The following MSRA variants were observed in gnomAD, a reference collection of about 807,000 sequenced individuals.
MSRA encodes the protein mitochondrial peptide methionine sulfoxide reductase.
A neutral mutation model predicts 31.3 loss-of-function variants in MSRA; 54 were observed. That is an observed-to-expected ratio of 1.73 (90% CI 1.39 to 2.17). The LOEUF is 2.17. MSRA is among the 30% of genes most tolerant of loss of function. The pLI is 0.00. For synonymous variants in MSRA, 169 were observed against 116.5 expected, an observed-to-expected ratio of 1.45 and a Z score of -2.90; for missense variants, 507 against 300.9, an observed-to-expected ratio of 1.69 and a Z score of -5.07.
intron 1 of MSRA, among the ~76,000 whole-genome samples, chr8:10,156,412 A>G (rs1191406251): frequency 6.6e-6 from 1 of 152,046 alleles, no homozygotes; most frequent in Non-Finnish European, 1.5e-5. Flanking sequence ...AGTTTTGGAT[A>G]GTTTGGTAAA....
intron 1 of MSRA, among the ~76,000 whole-genome samples, chr8:10,084,294 T>A (rs1798442267): frequency 1.3e-5 from 2 of 152,256 alleles, no homozygotes; most frequent in African/African-American, 2.4e-5. Context: ...TCTGGCCAGA[T>A]CCCTGGGCAG....
intron 5 of MSRA, among the ~76,000 whole-genome samples, chr8:10,352,331 A>C (rs991365949): frequency 6.6e-6 from 1 of 152,204 alleles, no homozygotes; most frequent in Non-Finnish European, 1.5e-5. Flanking sequence ...TGTGTACCCT[A>C]TGAGAAATGT....
In MSRA at chr8:10,161,830, C is replaced by T. The variant is rs10107650; in HGVS notation, c.143-46003C>T. ...TGGGACCTTCGTGAATCCCGCCCCG[C>T]CCCTGATAACCATGGGCCCTGGGCA... On this transcript the variant is annotated intron_variant, in intron 1 of 5. Coordinates refer to ENST00000317173, the MANE Select transcript of MSRA (RefSeq NM_012331.5). 2.9e-3 allele frequency among the ~76,000 whole-genome samples: 440 copies of T among 150,216 alleles called. 2 individuals are homozygous for T. The highest frequency in any genetic ancestry group is 0.01 in the African/African-American group (405 of 39,710).
At chr8:10,236,052 G>C (rs1019149013) in intron 2 of MSRA, among the ~76,000 whole-genome samples, 2 of 152,090 alleles carry the variant, frequency 1.3e-5, no homozygotes, top group Non-Finnish European at 1.5e-5. Context: ...TCAGAAGAAA[G>C]CATGCATTGT....
At chr8:10,283,520 GATTT>G (rs1799747130) in intron 3 of MSRA, among the ~76,000 whole-genome samples, 1 of 151,676 alleles carries the variant, frequency 6.6e-6, no homozygotes, top group African/African-American at 2.4e-5. Flanking sequence ...TGATTTGTGA[GATTT>G]TGTTGCACCC....
intron 1 of MSRA, among the ~76,000 whole-genome samples, chr8:10,158,964 T>G (rs1379105855): frequency 1.3e-5 from 2 of 152,212 alleles, no homozygotes; most frequent in Non-Finnish European, 2.9e-5. Context: ...GATTTGTATT[T>G]CACCAATAGC....
chr8:10,061,215 C>T (rs564120519), intron 1 of MSRA, among the ~76,000 whole-genome samples: 49 of 152,266 alleles, frequency 3.2e-4, no homozygotes, highest in Admixed American at 1.1e-3. Flanking sequence ...TTTCACTTTT[C>T]TGCCTCTGTA....
At chr8:10,384,208 A>G (rs1806247623) in intron 5 of MSRA, among the ~76,000 whole-genome samples, 1 of 151,986 alleles carries the variant, frequency 6.6e-6, no homozygotes, top group African/African-American at 2.4e-5. Context: ...GCCCTTAGAG[A>G]TGGGGAGAAA....
intron 5 of MSRA, chr8:10,337,538 G>A (rs779232248): frequency 3.4e-6 from 2 of 590,786 alleles, no homozygotes; most frequent in African/African-American, 3.7e-5. Context: ...GCTACAGAAA[G>A]CAGCATTAAG....
chr8:10,207,906 G>C lies in MSRA; in HGVS notation c.211+5G>C. On this transcript the variant is annotated splice_donor_5th_base_variant and intron_variant, in intron 2 of 5. Transcript: ENST00000317173. ...GAACACAGATGGCTGTATTTGGTAA[G>C]ATATCAATTCTGAAAGAAAACCCAA... 1 of 1,608,678 alleles carries C rather than the reference G, an allele frequency of 6.2e-7. No homozygotes were observed. The highest frequency in any genetic ancestry group is 8.5e-7 in the Non-Finnish European group (1 of 1,176,946).
chr8:10,155,573 C>T (rs951026901), intron 1 of MSRA, among the ~76,000 whole-genome samples: 1 of 152,112 alleles, frequency 6.6e-6, no homozygotes, highest in South Asian at 2.1e-4. Flanking sequence ...TCTCTTTCCA[C>T]TAGAAGAAAC....
chr8:10,195,446 G>A (rs1430980022), intron 1 of MSRA, among the ~76,000 whole-genome samples: 1 of 152,148 alleles, frequency 6.6e-6, no homozygotes, highest in Non-Finnish European at 1.5e-5. Flanking sequence ...TCCCCATGTT[G>A]CCCAGGGTGG....
chr8:10,206,186 C>G (rs1808957122), intron 1 of MSRA, among the ~76,000 whole-genome samples: 1 of 152,170 alleles, frequency 6.6e-6, no homozygotes, highest in South Asian at 2.1e-4. Context: ...AAGGGCAGAT[C>G]TTTGATCTCC....
intron 1 of MSRA, among the ~76,000 whole-genome samples, chr8:10,135,950 T>C (rs1432534308): frequency 6.6e-6 from 1 of 152,166 alleles, no homozygotes; most frequent in Non-Finnish European, 1.5e-5. Context: ...GAAGGATCCT[T>C]GGGGGCTGCG....
chr8:10,428,467 C>T lies in MSRA; in HGVS notation c.*155C>T, dbSNP rs554250785. On this transcript the variant is annotated 3_prime_UTR_variant, in exon 6 of 6. Coordinates refer to ENST00000317173, the MANE Select transcript of MSRA (RefSeq NM_012331.5). ...TTACCGAAGTATAATCTATAGGAGG[C>T]GCGATGGCAAGTTGATAAAATGTGA... The T allele has an allele frequency of 6.7e-5, 51 of 759,366 alleles. No homozygotes were observed. The highest frequency in any genetic ancestry group is 2.3e-4 in the South Asian group (13 of 56,938). 47.0% of individuals were successfully genotyped at this position (759,366 alleles called of 1,614,324 possible).
chr8:10,088,971 G>T (rs1468262576), intron 1 of MSRA, among the ~76,000 whole-genome samples: 3 of 152,188 alleles, frequency 2.0e-5, no homozygotes, highest in African/African-American at 7.2e-5. Context: ...TAAAGCAGTG[G>T]TTTCCATGGG....
intron 1 of MSRA, among the ~76,000 whole-genome samples, chr8:10,196,694 G>GAT (rs1808019780): frequency 6.6e-6 from 1 of 151,820 alleles, no homozygotes; most frequent in Non-Finnish European, 1.5e-5. Context: ...GAATTACAGG[G>GAT]ATGCACCACC....
At chr8:10,099,277 G>A (rs752222066) in intron 1 of MSRA, among the ~76,000 whole-genome samples, 2 of 152,200 alleles carry the variant, frequency 1.3e-5, no homozygotes, top group Admixed American at 6.5e-5. Flanking sequence ...GTGAGGCAGA[G>A]CTGGTGGCCC....
intron 5 of MSRA, among the ~76,000 whole-genome samples, chr8:10,412,841 G>C (rs1186166740): frequency 2.0e-5 from 3 of 152,208 alleles, no homozygotes; most frequent in African/African-American, 7.2e-5. Context: ...ATGACACAGA[G>C]CAATGGGAAC....
Sources: allele counts gnomAD v4.1 joint callset (sites outside exome capture counted in the v4.1 genomes callset), GRCh38; gene constraint gnomAD v4.1.1; transcripts MANE v1.5; gene names NCBI Gene and HGNC (gene_info 2026-07-23, HGNC 2026-07-21).